Variants in AFG2A observed in about 807,000 individuals in gnomAD.
The protein encoded by AFG2A is ATPase family gene 2 protein homolog A.
the AFG2A span, among the ~76,000 whole-genome samples, chr4:123,049,502 A>G: frequency 8.0e-4 from 122 of 151,792 alleles, 4 homozygotes; most frequent in East Asian, 0.02. Context: ...TTGATGGGAG[A>G]CTTTTTATTG....
the AFG2A span, chr4:123,318,056 A>T: frequency 6.6e-6 from 1 of 152,276 alleles, no homozygotes; most frequent in Admixed American, 6.5e-5. Flanking sequence ...TTTCGTGATA[A>T]TTTTTAAAAG....
chr4:123,206,855 A>G, the AFG2A span, among the ~76,000 whole-genome samples: 84,603 of 151,992 alleles, frequency 0.56, 26,658 homozygotes, highest in Non-Finnish European at 0.69. Context: ...TATTTCTGAT[A>G]TCAGGATTTG....
the AFG2A span, among the ~76,000 whole-genome samples, chr4:122,945,324 T>G: frequency 2.0e-5 from 3 of 152,226 alleles, no homozygotes; most frequent in Non-Finnish European, 4.4e-5. Context: ...GCTGCTTTGT[T>G]TACTGAAGCA....
At chr4:123,026,971 A>T in the AFG2A span, among the ~76,000 whole-genome samples, 126,482 of 152,118 alleles carry the variant, frequency 0.83, 53,730 homozygotes, top group East Asian at 0.96. Context: ...ATATTACCCT[A>T]GATACCATTT....
At chr4:123,318,018 T>C in the AFG2A span, 3 of 152,198 alleles carry the variant, frequency 2.0e-5, no homozygotes, top group Non-Finnish European at 4.4e-5. Flanking sequence ...TGATTTAATA[T>C]AGTCTGTACT....
At chr4:123,236,575 A>G in the AFG2A span, among the ~76,000 whole-genome samples, 2 of 152,228 alleles carry the variant, frequency 1.3e-5, no homozygotes, top group African/African-American at 4.8e-5. Context: ...AATGACAAAA[A>G]TAGTGCATCT....
the AFG2A span, among the ~76,000 whole-genome samples, chr4:123,269,248 G>T: frequency 6.6e-6 from 1 of 152,166 alleles, no homozygotes; most frequent in Admixed American, 6.5e-5. Flanking sequence ...CTTTGGTGGG[G>T]TCCCTGTCCT....
At chr4:123,174,273 T>C in the AFG2A span, among the ~76,000 whole-genome samples, 1 of 152,198 alleles carries the variant, frequency 6.6e-6, no homozygotes, top group Non-Finnish European at 1.5e-5. Flanking sequence ...AACAAAAAAT[T>C]ATAATAGCTT....
At chr4:123,068,231 T>C in the AFG2A span, among the ~76,000 whole-genome samples, 1 of 152,346 alleles carries the variant, frequency 6.6e-6, no homozygotes, top group African/African-American at 2.4e-5. Flanking sequence ...TTATGGTTTT[T>C]GTTTCCTACT....
the AFG2A span, among the ~76,000 whole-genome samples, chr4:122,975,753 C>T: frequency 4.6e-5 from 7 of 152,184 alleles, no homozygotes; most frequent in African/African-American, 1.7e-4. Context: ...TGCATACCAA[C>T]ATCCTTTAAA....
the AFG2A span, among the ~76,000 whole-genome samples, chr4:122,937,672 G>A: frequency 6.6e-6 from 1 of 152,182 alleles, no homozygotes. Flanking sequence ...TTCTGTGAGA[G>A]AATTCACATC....
the AFG2A span, among the ~76,000 whole-genome samples, chr4:123,281,124 G>T: frequency 6.6e-6 from 1 of 151,748 alleles, no homozygotes; most frequent in East Asian, 1.9e-4. Flanking sequence ...TGATATAGTT[G>T]AAACTCTAAA....
At chr4:123,097,733 A>G in the AFG2A span, among the ~76,000 whole-genome samples, 1 of 152,090 alleles carries the variant, frequency 6.6e-6, no homozygotes, top group Non-Finnish European at 1.5e-5. Context: ...GGGAGAGATC[A>G]GAGAAGAGAG....
the AFG2A span, among the ~76,000 whole-genome samples, chr4:123,250,792 C>A: frequency 6.6e-6 from 1 of 152,122 alleles, no homozygotes; most frequent in South Asian, 2.1e-4. Context: ...ATTAGAAAGC[C>A]TTGGCTTCTT....
At chr4:123,143,386 A>G in the AFG2A span, among the ~76,000 whole-genome samples, 2 of 152,068 alleles carry the variant, frequency 1.3e-5, no homozygotes, top group South Asian at 2.1e-4. Context: ...ACCTATCAAC[A>G]TCTACTTTCT....
the AFG2A span, among the ~76,000 whole-genome samples, chr4:123,137,612 A>T: frequency 6.6e-6 from 1 of 152,200 alleles, no homozygotes; most frequent in Non-Finnish European, 1.5e-5. Flanking sequence ...TCATATAGAT[A>T]GCATTCAATT....
the AFG2A span, among the ~76,000 whole-genome samples, chr4:123,115,035 T>C: frequency 0.74 from 112,080 of 152,098 alleles, 41,851 homozygotes; most frequent in East Asian, 0.97. Context: ...CTTGAGGACA[T>C]GGGACACAGG....
At chr4:123,311,625 CAAAAAAAA>C in the AFG2A span, among the ~76,000 whole-genome samples, 16 of 92,216 alleles carry the variant, frequency 1.7e-4, no homozygotes, top group East Asian at 7.0e-4. Flanking sequence ...GACTCTGTCT[CAAAAAAAA>C]AAAAAAAAAA....
the AFG2A span, among the ~76,000 whole-genome samples, chr4:123,090,093 T>C: frequency 6.6e-6 from 1 of 152,338 alleles, no homozygotes; most frequent in East Asian, 1.9e-4. Flanking sequence ...ATATTCTTAA[T>C]ATTTATGAAG....
Sources: gnomAD v4.1 joint callset for allele counts (sites outside exome capture counted in the v4.1 genomes callset) on GRCh38, gnomAD v4.1.1 for gene constraint, MANE v1.5 for transcripts, NCBI Gene and HGNC (gene_info 2026-07-23, HGNC 2026-07-21) for gene names.